The following DNAJC1 variants were observed in gnomAD, a reference collection of about 807,000 sequenced individuals.
DNAJC1 encodes DnaJ heat shock protein family (Hsp40) member C1, also known as dnaJ homolog subfamily C member 1.
A neutral mutation model predicts 76.6 loss-of-function variants in DNAJC1; 58 were observed. The observed-to-expected ratio is 0.76, with a 90% confidence interval of 0.61 to 0.94. DNAJC1 has a LOEUF of 0.94. DNAJC1 is among the 40% of genes least tolerant of loss of function. DNAJC1 has a pLI of 0.00. For missense variants in DNAJC1, 689 were observed against 677.3 expected, an observed-to-expected ratio of 1.02 and a Z score of -0.19; for synonymous variants, 258 against 267.9, an observed-to-expected ratio of 0.96 and a Z score of 0.36.
At chr10:21,820,811 T>C (rs1193537792) in intron 8 of DNAJC1, among the ~76,000 whole-genome samples, 1 of 152,148 alleles carries the variant, frequency 6.6e-6, no homozygotes, top group Non-Finnish European at 1.5e-5. Flanking sequence ...GTTTTACTGG[T>C]TTACTTAAAA....
intron 6 of DNAJC1, among the ~76,000 whole-genome samples, chr10:21,910,975 G>C (rs1836849305): frequency 6.8e-6 from 1 of 148,124 alleles, no homozygotes; most frequent in Non-Finnish European, 1.5e-5. Context: ...AAAGAGGGGG[G>C]GAAGAGAGAA....
chr10:21,913,252 G>C (rs1353704995), intron 6 of DNAJC1, among the ~76,000 whole-genome samples: 2 of 152,068 alleles, frequency 1.3e-5, no homozygotes, highest in Non-Finnish European at 2.9e-5. Flanking sequence ...TATAAATTAT[G>C]CTACCGAGAA....
intron 9 of DNAJC1, among the ~76,000 whole-genome samples, chr10:21,793,032 A>T (rs1229859771): frequency 6.6e-6 from 1 of 151,964 alleles, no homozygotes; most frequent in African/African-American, 2.4e-5. Context: ...GAGCCTGGGC[A>T]CGGTGGCTCA....
At chr10:21,862,473 G>C (rs1363777404) in intron 8 of DNAJC1, among the ~76,000 whole-genome samples, 1 of 145,664 alleles carries the variant, frequency 6.9e-6, no homozygotes, top group Non-Finnish European at 1.5e-5. Context: ...TTGTCACCCA[G>C]GCTGGAGTGC....
At chr10:21,813,446 A>G (rs1465488015) in intron 8 of DNAJC1, among the ~76,000 whole-genome samples, 1 of 147,104 alleles carries the variant, frequency 6.8e-6, no homozygotes, top group East Asian at 2.0e-4. Flanking sequence ...TGGAGTGTGG[A>G]GTGCAGTAGC....
chr10:21,830,787 G>C (rs963699912), intron 8 of DNAJC1, among the ~76,000 whole-genome samples: 1 of 152,078 alleles, frequency 6.6e-6, no homozygotes. Flanking sequence ...GATTTGACCA[G>C]ATCATCTTCT....
At chr10:21,776,975 T>C (rs1357752788) in intron 9 of DNAJC1, among the ~76,000 whole-genome samples, 1 of 152,196 alleles carries the variant, frequency 6.6e-6, no homozygotes, top group African/African-American at 2.4e-5. Flanking sequence ...TTAAATTGCA[T>C]TAACATGTAA....
chr10:21,771,644 C>T (rs1311099276), intron 9 of DNAJC1, among the ~76,000 whole-genome samples: 3 of 152,140 alleles, frequency 2.0e-5, no homozygotes, highest in East Asian at 3.9e-4. Flanking sequence ...ATTACAGGTG[C>T]GTGCCACCAC....
intron 8 of DNAJC1, among the ~76,000 whole-genome samples, chr10:21,819,070 G>A (rs919458551): frequency 1.3e-5 from 2 of 152,126 alleles, no homozygotes; most frequent in Admixed American, 6.6e-5. Flanking sequence ...TGTGACACTA[G>A]CTTTAAGACC....
rs1433512733 is a variant in DNAJC1 at position 21,780,600 on chromosome 10, AAAT to A, written c.1099-14294_1099-14292del. Among the ~76,000 whole-genome samples the A allele has an allele frequency of 9.5e-4, 144 of 152,356 alleles. 2 individuals carry two copies. In the East Asian group the frequency reaches 0.026, roughly 28 times the overall value. On this transcript the variant is annotated intron_variant, in intron 9 of 11. Transcript: ENST00000376980. ...TAAATGAGCTCCTGAAGGAAGCACG[AAAT>A]ATGGAAAGGAACAACTGGTACCAGC...
intron 8 of DNAJC1, among the ~76,000 whole-genome samples, chr10:21,868,499 A>C (rs918968325): frequency 6.6e-6 from 1 of 152,114 alleles, no homozygotes; most frequent in Admixed American, 6.5e-5. Context: ...CAATAAAAAG[A>C]AATCTACTGA....
chr10:21,792,940 G>A (rs1367910320), intron 9 of DNAJC1, among the ~76,000 whole-genome samples: 1 of 152,016 alleles, frequency 6.6e-6, no homozygotes, highest in Non-Finnish European at 1.5e-5. Context: ...GCAAAATCAT[G>A]TGACAAAATC....
chr10:21,966,651 C>T (rs1837894039), intron 1 of DNAJC1, among the ~76,000 whole-genome samples: 3 of 151,332 alleles, frequency 2.0e-5, no homozygotes, highest in Non-Finnish European at 4.4e-5. Flanking sequence ...TCCAAGCTAA[C>T]TACTGAGTTC....
At chr10:21,977,127 T>C (rs1208042773) in intron 1 of DNAJC1, among the ~76,000 whole-genome samples, 2 of 152,250 alleles carry the variant, frequency 1.3e-5, no homozygotes, top group Middle Eastern at 3.4e-3. Context: ...GCTGGCCTCT[T>C]ACTCTCCCGG....
intron 1 of DNAJC1, among the ~76,000 whole-genome samples, chr10:21,992,306 G>T (rs753735418): frequency 5.9e-5 from 9 of 152,066 alleles, no homozygotes; most frequent in Non-Finnish European, 1.2e-4. Flanking sequence ...ACGAGACTCT[G>T]TCTCAAAAAA....
chr10:21,875,798 G>C (rs954711046), intron 8 of DNAJC1, among the ~76,000 whole-genome samples: 1 of 152,014 alleles, frequency 6.6e-6, no homozygotes, highest in Non-Finnish European at 1.5e-5. Flanking sequence ...GGCAGCAGGC[G>C]TCTGTAATCC....
intron 7 of DNAJC1, among the ~76,000 whole-genome samples, chr10:21,901,653 C>T (rs1174746193): frequency 6.6e-6 from 1 of 152,168 alleles, no homozygotes; most frequent in Non-Finnish European, 1.5e-5. Flanking sequence ...AAGACTATCA[C>T]ACCCTACTCA....
chr10:21,838,624 A>G (rs1835512944), intron 8 of DNAJC1, among the ~76,000 whole-genome samples: 1 of 152,012 alleles, frequency 6.6e-6, no homozygotes, highest in Non-Finnish European at 1.5e-5. Context: ...ATCAATAAAT[A>G]CTAAAAAAGA....
At chr10:21,966,430 G>C (rs1837890222) in intron 1 of DNAJC1, among the ~76,000 whole-genome samples, 1 of 80,160 alleles carries the variant, frequency 1.2e-5, no homozygotes, top group East Asian at 9.2e-4. Context: ...TTTATCTAGT[G>C]GTGATTTTTT....
Sources: allele counts gnomAD v4.1 joint callset (sites outside exome capture counted in the v4.1 genomes callset), GRCh38; gene constraint gnomAD v4.1.1; transcripts MANE v1.5; gene names NCBI Gene and HGNC (gene_info 2026-07-23, HGNC 2026-07-21).